Variants in PDXK observed in about 807,000 individuals in gnomAD.
PDXK encodes the protein epididymis secretory sperm binding protein Li 1a.
PDXK carries 15 observed loss-of-function variants against 43.2 expected under a neutral mutation model. The observed-to-expected ratio is 0.35, with a 90% CI of 0.23 to 0.53. The LOEUF (loss-of-function observed/expected upper bound fraction) is 0.53. Ranked by LOEUF, PDXK falls within the 20% of genes least tolerant of loss-of-function variation. The pLI is 0.92. For synonymous variants in PDXK, 172 were observed against 165.4 expected (o/e 1.04, Z -0.31); for missense variants, 343 against 417.0 (o/e 0.82, Z 1.54).
At chr21:43,722,663 C>T (rs149830167) in intron 1 of PDXK, among the ~76,000 whole-genome samples, 80 of 152,212 alleles carry the variant, frequency 5.3e-4, no homozygotes, top group Middle Eastern at 6.8e-3. Flanking sequence ...TTCCAGCTCT[C>T]GGTGGCCCCA....
Position 43,752,318 on chromosome 21 carries a change from G to T in PDXK, c.511-200G>T, listed in dbSNP as rs959355594. ...CACACGGTTTGGGCTGACAGTTTGT[G>T]GGGGGATGGTGGCTGACCAGGTGGC... On this transcript the variant is annotated intron_variant, in intron 7 of 10. Coordinates refer to ENST00000291565, the MANE Select transcript of PDXK (RefSeq NM_003681.5). Among the ~76,000 whole-genome samples the T allele has an allele frequency of 2.6e-5, 4 of 152,232 alleles. 1 individual carries two copies. Among genetic ancestry groups the T allele is most frequent in the Non-Finnish European group, 5.9e-5 (4 of 68,038 alleles).
intron 1 of PDXK, among the ~76,000 whole-genome samples, chr21:43,722,355 TCA>T (rs772103026): frequency 1.3e-5 from 2 of 152,220 alleles, no homozygotes; most frequent in Admixed American, 6.5e-5. Context: ...TCTGTAGGCC[TCA>T]CTGCATGGGG....
Position 43,719,330 on chromosome 21 carries a change from C to T in PDXK, c.36C>T (p.Ser12=). Residue 12 remains serine (S), a synonymous_variant, in exon 1 of 11, where the codon AGC becomes AGT. Transcript: ENST00000291565. ...AGTGCCGGGTGCTCTCCATACAGAG[C>T]CACGTCATCCGCGGCTACGTGGGCA... The part of the protein sequence containing the change: ...EEECRVLSIQ[S]HVIRGYVGNR... 1.3e-6 allele frequency: 2 copies of T among 1,523,728 alleles called. No individual in the cohort carries two copies. The highest frequency in any genetic ancestry group is 1.8e-6 in the Non-Finnish European group (2 of 1,136,954). The allele number at this position is 1,523,728 out of a possible 1,614,324, so 94.4% of individuals were successfully genotyped here.
Position 43,723,765 on chromosome 21 carries a change from C to T in PDXK, c.87+4384C>T, listed in dbSNP as rs2083227084. On this transcript the variant is annotated intron_variant, in intron 1 of 10. Coordinates refer to ENST00000291565, the MANE Select transcript of PDXK (RefSeq NM_003681.5). The surrounding 1 kb of genome is among the most constrained non-coding windows in gnomAD (Gnocchi z 4.1). ...TCACTGTGCATCCCGTCCAGATGGA[C>T]AGGTAGTAGATTCCCGCTGGCTGGG... 6.6e-6 allele frequency: 1 copy of T among 152,262 alleles called. No individual in the cohort carries two copies. Among genetic ancestry groups the T allele is most frequent in the South Asian group, 2.1e-4 (1 of 4,834 alleles). The allele number at this position is 152,262 out of a possible 1,614,324, so 9.4% of individuals were successfully genotyped here.
At chr21:43,743,217 C>CT (rs1463934834) in intron 3 of PDXK, among the ~76,000 whole-genome samples, 1 of 63,018 alleles carries the variant, frequency 1.6e-5, no homozygotes, top group Non-Finnish European at 3.1e-5. Flanking sequence ...CCTCCCCCCG[C>CT]CCCCAGCACT....
At position 43,734,042 on chromosome 21, in the gene PDXK, C is replaced by T. The variant is rs1272081868; in HGVS notation, c.88-27C>T. The T allele has an allele frequency of 5.6e-6, 9 of 1,612,958 alleles. No individual in the cohort carries two copies. Among genetic ancestry groups the T allele is most frequent in the Non-Finnish European group, 7.6e-6 (9 of 1,179,024 alleles). On this transcript the variant is annotated intron_variant, in intron 1 of 10. Transcript: ENST00000291565. The surrounding 1 kb of genome is among the most constrained non-coding windows in gnomAD (Gnocchi z 5.0). ...GGACCCCAGACCTGGCTCTCTTACG[C>T]CTACCTGTTCCTTCTCTGTCTTGCA...
At position 43,741,625 on chromosome 21, in the gene PDXK, G is replaced by A. The variant is rs534835062; in HGVS notation, c.143-42G>A. ...CAAGGGAAGCCCACGGCCCCAGCTG[G>A]CCCCCTTGTGTCTGAGCCCCCATGG... On this transcript the variant is annotated intron_variant, in intron 2 of 10. Coordinates refer to ENST00000291565, the MANE Select transcript of PDXK (RefSeq NM_003681.5). 13 of 1,596,718 alleles carry A rather than the reference G, an allele frequency of 8.1e-6. No individual in the cohort carries two copies. The Admixed American group carries it at 2.2e-4, about 28-fold the overall frequency.
intron 5 of PDXK, among the ~76,000 whole-genome samples, chr21:43,746,855 G>A (rs903658408): frequency 6.6e-6 from 1 of 152,168 alleles, no homozygotes; most frequent in African/African-American, 2.4e-5. Flanking sequence ...AAACCAGACT[G>A]GGTGCAGTGG....
At position 43,734,177 on chromosome 21, in the gene PDXK, G is replaced by A. The variant is rs939802063; in HGVS notation, c.142+54G>A. On this transcript the variant is annotated intron_variant, in intron 2 of 10. Transcript: ENST00000291565. This position sits in a 1 kb window ranked among gnomAD's most constrained non-coding sequence, Gnocchi z 5.0. The stretch of plus-strand genomic sequence containing the variant: ...AGAGCAGACTGTGGGTGTGAGGGAC[G>A]GGGCGGAGTGTGGGTGTGAGGGACG... 3.4e-5 allele frequency: 51 copies of A among 1,496,622 alleles called. No individual in the cohort carries two copies. In the East Asian group the frequency reaches 9.2e-4, roughly 27 times the overall value. The allele number at this position is 1,496,622 out of a possible 1,614,324, so 92.7% of individuals were successfully genotyped here.
At chr21:43,741,870 G>C (rs952371408) in intron 3 of PDXK, 99 bp downstream of exon 3, 6 of 773,042 alleles carry the variant, frequency 7.8e-6, no homozygotes, top group Non-Finnish European at 1.3e-5. Flanking sequence ...GGCCTGTCTC[G>C]GGTCCCTGCC....
intron 5 of PDXK, among the ~76,000 whole-genome samples, chr21:43,746,337 G>A (rs901798731): frequency 2.0e-5 from 3 of 152,184 alleles, no homozygotes; most frequent in African/African-American, 4.8e-5. Flanking sequence ...TTTGCCGGCC[G>A]CACAGCCTTG....
chr21:43,727,230 G>A (rs187178295), intron 1 of PDXK, among the ~76,000 whole-genome samples: 14 of 152,302 alleles, frequency 9.2e-5, no homozygotes, highest in South Asian at 6.2e-4. Context: ...GGAATCCTGC[G>A]TGCCCAGTTC....
At chr21:43,728,954 A>T (rs1286602697) in intron 1 of PDXK, 3 of 985,376 alleles carry the variant, frequency 3.0e-6, no homozygotes, top group Non-Finnish European at 3.6e-6. Context: ...CCCAGGGCAG[A>T]GTGTAGCCAT....
At chr21:43,739,280 C>T (rs1409815603) in intron 2 of PDXK, among the ~76,000 whole-genome samples, 2 of 152,198 alleles carry the variant, frequency 1.3e-5, no homozygotes, top group Admixed American at 6.5e-5. Context: ...GCCTGAGCCT[C>T]CCAAACTGCT....
chr21:43,755,917 G>T, intron 10 of PDXK, 34 bp from the exon 11 acceptor site: 1 of 1,546,186 alleles, frequency 6.5e-7, no homozygotes. Flanking sequence ...GCCCCTCTGA[G>T]ATGGGAACTC....
chr21:43,726,489 G>A (rs1463524358), intron 1 of PDXK, among the ~76,000 whole-genome samples: 2 of 152,014 alleles, frequency 1.3e-5, no homozygotes, highest in African/African-American at 4.8e-5. Flanking sequence ...TGTTAGCCAG[G>A]ATGGTCTCGA....
intron 1 of PDXK, among the ~76,000 whole-genome samples, chr21:43,728,474 C>CTGGG (rs1213320631): frequency 6.6e-6 from 1 of 152,160 alleles, no homozygotes; most frequent in East Asian, 1.9e-4. Context: ...GGTGGTCAGG[C>CTGGG]TGGGGTGGAG....
In PDXK at chr21:43,753,600, G is replaced by A. The variant is rs202036508; in HGVS notation, c.640G>A (p.Val214Met). 195 of 1,612,848 alleles carry A rather than the reference G, an allele frequency of 1.2e-4. No individual in the cohort carries two copies. The highest frequency in any genetic ancestry group is 1.3e-4 in the Non-Finnish European group (152 of 1,179,302). ...SQRRRNPAGS[V>M]VMERIRMDIR... ...CCCCCTAGGGAATCCCGCTGGCTCC[G>A]TGGTGATGGAACGCATCCGGATGGA... Residue 214 changes from valine (V) to methionine (M), a missense_variant, in exon 9 of 11, where the codon GTG (valine) becomes ATG (methionine). Val to Met is a conservative substitution (Grantham distance 21). Coordinates refer to ENST00000291565, the MANE Select transcript of PDXK (RefSeq NM_003681.5).
At chr21:43,752,657 C>T (rs771150938) in intron 8 of PDXK, 28 bp downstream of exon 8, 22 of 1,330,418 alleles carry the variant, frequency 1.7e-5, no homozygotes, top group Admixed American at 8.4e-5. Flanking sequence ...GCACCGTGGC[C>T]GCCTCTGCTC....
Sources: allele counts gnomAD v4.1 joint callset (sites outside exome capture counted in the v4.1 genomes callset), GRCh38; gene constraint gnomAD v4.1.1; non-coding constraint Gnocchi (gnomAD v3.1); transcripts MANE v1.5; gene names NCBI Gene and HGNC (gene_info 2026-07-23, HGNC 2026-07-21).